SLCO4C1: variants seen among roughly 807,000 people sequenced by gnomAD.
SLCO4C1 encodes the protein solute carrier organic anion transporter family member 4C1, also known as organic anion transporter M1.
In SLCO4C1, 58 loss-of-function variants were observed where a neutral mutation model predicts 72.1. The observed-to-expected ratio is 0.80, with a 90% CI of 0.65 to 1.00. The LOEUF is 1.00. SLCO4C1 is among the 50% of genes least tolerant of loss of function. The pLI, the probability that SLCO4C1 is intolerant of heterozygous loss-of-function variation, is 0.00. For synonymous variants in SLCO4C1, 297 were observed against 312.5 expected (o/e 0.95, Z 0.52); for missense variants, 898 against 857.9 (o/e 1.05, Z -0.58).
chr5:102,239,316 C>T lies in SLCO4C1; in HGVS notation c.1949G>A (p.Cys650Tyr). 6.2e-7 allele frequency: 1 copy of T among 1,603,438 alleles called. No homozygotes were observed. Among genetic ancestry groups the T allele is most frequent in the Non-Finnish European group, 8.5e-7 (1 of 1,174,976 alleles). Residue 650 changes from cysteine to tyrosine, a missense_variant, in exon 12 of 13, where the codon TGT becomes TAT. Physicochemically the swap from Cys to Tyr is radical, Grantham distance 194. Coordinates refer to ENST00000310954, the MANE Select transcript of SLCO4C1 (RefSeq NM_180991.5). ...STCILWDIND[C>Y]GIKGACWIYD... The stretch of plus-strand genomic sequence containing the variant: ...AATCCAGCAAGCTCCTTTAATTCCA[C>T]AATCATTTATATCCCAAAGAATACA...
intron 8 of SLCO4C1, among the ~76,000 whole-genome samples, chr5:102,256,055 A>G (rs935602815): frequency 6.6e-6 from 1 of 152,104 alleles, no homozygotes; most frequent in African/African-American, 2.4e-5. Flanking sequence ...AAAATACAAA[A>G]ATTAGCTGGT....
At chr5:102,261,458 C>G (rs888013548) in intron 5 of SLCO4C1, among the ~76,000 whole-genome samples, 1 of 137,198 alleles carries the variant, frequency 7.3e-6, no homozygotes, top group Non-Finnish European at 1.6e-5. Context: ...TATTCACATA[C>G]AGTAAAAAAA....
At chr5:102,282,594 C>T (rs1258652830) in intron 2 of SLCO4C1, among the ~76,000 whole-genome samples, 3 of 151,906 alleles carry the variant, frequency 2.0e-5, no homozygotes, top group African/African-American at 7.2e-5. Flanking sequence ...TCCATCTTTA[C>T]TAATATAAAA....
intron 2 of SLCO4C1, among the ~76,000 whole-genome samples, chr5:102,282,765 G>A (rs1749380860): frequency 6.6e-6 from 1 of 151,986 alleles, no homozygotes; most frequent in South Asian, 2.1e-4. Flanking sequence ...ATGAATGTGT[G>A]TTAATGACTG....
chr5:102,274,164 C>A (rs548947809), intron 2 of SLCO4C1, among the ~76,000 whole-genome samples: 1 of 152,008 alleles, frequency 6.6e-6, no homozygotes, highest in African/African-American at 2.4e-5. Context: ...CTTGAGCATG[C>A]AGATTTTGTT....
intron 2 of SLCO4C1, among the ~76,000 whole-genome samples, chr5:102,279,222 A>C (rs534984460): frequency 2.0e-5 from 3 of 152,098 alleles, no homozygotes; most frequent in African/African-American, 7.2e-5. Flanking sequence ...CTTTATATAC[A>C]TAAATTTGAC....
intron 8 of SLCO4C1, among the ~76,000 whole-genome samples, chr5:102,256,314 C>T (rs1407925000): frequency 6.6e-6 from 1 of 152,220 alleles, no homozygotes; most frequent in African/African-American, 2.4e-5. Context: ...AACTACAAAT[C>T]ATGATGATTG....
chr5:102,279,684 C>A (rs910130790), intron 2 of SLCO4C1, among the ~76,000 whole-genome samples: 1 of 151,786 alleles, frequency 6.6e-6, no homozygotes, highest in East Asian at 1.9e-4. Flanking sequence ...AAAATAGTAC[C>A]AAACAGAATT....
chr5:102,278,330 A>G (rs1749287985), intron 2 of SLCO4C1, among the ~76,000 whole-genome samples: 1 of 152,224 alleles, frequency 6.6e-6, no homozygotes, highest in African/African-American at 2.4e-5. Flanking sequence ...ACCATCATAG[A>G]GCTGTAAAAC....
chr5:102,258,054 CTAAACACA>C lies in SLCO4C1; in HGVS notation c.1154_1161del (p.Met385SerfsTer20), dbSNP rs765985061. 6.3e-7 allele frequency: 1 copy of C among 1,593,770 alleles called. No individual in the cohort carries two copies. Among genetic ancestry groups the C allele is most frequent in the Non-Finnish European group, 8.5e-7 (1 of 1,173,772 alleles). ...AAGGCTTCTGAAGAAGTTGATAGAA[CTAAACACA>C]TAAAGACAGCATTCTTCATCAAATT... On this transcript the variant is annotated frameshift_variant, in exon 7 of 13. Transcript: ENST00000310954. LOFTEE classifies it high-confidence loss of function.
intron 9 of SLCO4C1, among the ~76,000 whole-genome samples, chr5:102,247,980 G>A (rs1748666417): frequency 7.2e-6 from 1 of 139,390 alleles, no homozygotes; most frequent in Non-Finnish European, 1.5e-5. Flanking sequence ...TACCAATTCA[G>A]GAAAACCAAA....
Position 102,236,703 on chromosome 5 carries a change from A to C in SLCO4C1, c.*155T>G. 1.1e-6 allele frequency: 1 copy of C among 877,870 alleles called. No homozygotes were observed. 54.4% of individuals were successfully genotyped at this position (877,870 alleles called of 1,614,324 possible). ...CAGGTCTGTTTCTTGCATAAAACAA[A>C]AACTACATAAGTAAAAAAATACATT... On this transcript the variant is annotated 3_prime_UTR_variant, in exon 13 of 13. Coordinates refer to ENST00000310954, the MANE Select transcript of SLCO4C1 (RefSeq NM_180991.5).
At position 102,291,452 on chromosome 5, in the gene SLCO4C1, A is replaced by G. The variant is rs529185868; in HGVS notation, c.510T>C (p.His170=). The G allele has an allele frequency of 2.7e-5, 44 of 1,614,192 alleles. No individual in the cohort carries two copies. In the Admixed American group the frequency reaches 6.5e-4, roughly 24 times the overall value. The part of the protein sequence containing the change: ...LFVSFFGERG[H]KPRWLAFAAF... ...CTGCAAATGCAAGCCATCTCGGCTT[A>G]TGTCCTCTTTCACCAAAGAATGATA... Residue 170 remains histidine, a synonymous_variant, in exon 2 of 13, where the codon CAT becomes CAC. Coordinates refer to ENST00000310954, the MANE Select transcript of SLCO4C1 (RefSeq NM_180991.5).
chr5:102,242,983 T>C (rs1362503107), intron 10 of SLCO4C1, among the ~76,000 whole-genome samples: 2 of 151,918 alleles, frequency 1.3e-5, no homozygotes, highest in African/African-American at 2.4e-5. Context: ...CCCTGAAGGG[T>C]GAGTCCCAGC....
At chr5:102,255,366 T>G (rs1312767376) in intron 8 of SLCO4C1, among the ~76,000 whole-genome samples, 1 of 152,196 alleles carries the variant, frequency 6.6e-6, no homozygotes, top group African/African-American at 2.4e-5. Context: ...ACTTTGTTAC[T>G]CAAGGTGATA....
rs34481556 is a variant in SLCO4C1, at chr5:102,257,618, CTTT to C, written c.1274-311_1274-309del. ...TTTTACCAAAATTAAGTTTAAGTGT[CTTT>C]TTTTTTTTTTTTTTAAAGACAAGAT... On this transcript the variant is annotated intron_variant, in intron 7 of 12. Transcript: ENST00000310954. 1.7e-3 allele frequency among the ~76,000 whole-genome samples: 238 copies of C among 143,152 alleles called. 1 individual carries two copies. The highest frequency in any genetic ancestry group is 3.6e-3 in the Middle Eastern group (1 of 278). 93.9% of individuals were successfully genotyped at this position (143,152 alleles called of 152,430 possible). A position where few individuals can be genotyped will look rare whatever the true frequency, so the allele number is the denominator to read the frequency against.
At chr5:102,271,900 A>G (rs984580906) in intron 2 of SLCO4C1, among the ~76,000 whole-genome samples, 2 of 152,142 alleles carry the variant, frequency 1.3e-5, no homozygotes, top group Non-Finnish European at 2.9e-5. Flanking sequence ...ATATGTTGCG[A>G]AAAAGGCCTC....
chr5:102,296,180 G>A lies in SLCO4C1; in HGVS notation c.83C>T (p.Ser28Phe), dbSNP rs1749650255. ...GGACAAGGCAGAGACTTCGATTTGG[G>A]AGGGCGACGCAGACAAGCGGCGCAG... Reference protein sequence around the residue: ...DILRRLSASPSQIEVSALSSD... With the variant: ...DILRRLSASPFQIEVSALSSD... The change falls in exon 1 of 13, where the codon TCC becomes TTC. Residue 28 changes from serine to phenylalanine, a missense_variant. Transcript: ENST00000310954. 8 of 1,609,122 alleles carry A rather than the reference G, an allele frequency of 5.0e-6. No individual in the cohort carries two copies. The highest frequency in any genetic ancestry group is 6.8e-6 in the Non-Finnish European group (8 of 1,177,220).
chr5:102,276,996 C>T (rs776755762), intron 2 of SLCO4C1, among the ~76,000 whole-genome samples: 4 of 152,018 alleles, frequency 2.6e-5, no homozygotes, highest in Non-Finnish European at 4.4e-5. Context: ...CAGTACCCAA[C>T]GAACATAGTG....
Sources: allele counts gnomAD v4.1 joint callset (sites outside exome capture counted in the v4.1 genomes callset), GRCh38; gene constraint gnomAD v4.1.1; transcripts MANE v1.5; gene names NCBI Gene and HGNC (gene_info 2026-07-23, HGNC 2026-07-21).